DLGAP2: variants seen among roughly 807,000 people sequenced by gnomAD.
The protein encoded by DLGAP2 is disks large-associated protein 2.
In DLGAP2, 26 loss-of-function variants were observed where a neutral mutation model predicts 100.3. The ratio of observed to expected loss-of-function variants is 0.26; its 90% confidence interval spans 0.19 to 0.36. The LOEUF is 0.36. Among genes scored for constraint, DLGAP2 ranks in the 10% least tolerant of loss-of-function variants. DLGAP2 has a pLI of 1.00. For synonymous variants in DLGAP2, 886 were observed against 630.1 expected, an observed-to-expected ratio of 1.41 and a Z score of -6.08; for missense variants, 1,858 against 1,453.2, an observed-to-expected ratio of 1.28 and a Z score of -4.53.
intron 3 of DLGAP2, among the ~76,000 whole-genome samples, chr8:1,384,189 T>C (rs548683381): frequency 1.3e-5 from 2 of 152,264 alleles, no homozygotes; most frequent in Non-Finnish European, 2.9e-5. Flanking sequence ...TTCATAAAAG[T>C]TAAGGGATGA....
intron 8 of DLGAP2, among the ~76,000 whole-genome samples, chr8:1,656,178 C>A (rs1349148995): frequency 6.6e-6 from 1 of 152,100 alleles, no homozygotes; most frequent in Non-Finnish European, 1.5e-5. Context: ...ATAAAATTAG[C>A]CAGGCGTGGT....
chr8:1,450,892 C>G (rs1216680514), intron 3 of DLGAP2, among the ~76,000 whole-genome samples: 1 of 152,038 alleles, frequency 6.6e-6, no homozygotes, highest in Non-Finnish European at 1.5e-5. Context: ...ATAAACAGTC[C>G]TCTATGAATT....
At chr8:1,185,392 G>T (rs999009363) in intron 2 of DLGAP2, among the ~76,000 whole-genome samples, 2 of 152,072 alleles carry the variant, frequency 1.3e-5, no homozygotes, top group African/African-American at 2.4e-5. Context: ...CCATCTGCAG[G>T]TACAAGGTGA....
chr8:1,203,985 T>C (rs1797937455), intron 2 of DLGAP2, among the ~76,000 whole-genome samples: 1 of 152,214 alleles, frequency 6.6e-6, no homozygotes, highest in Non-Finnish European at 1.5e-5. Flanking sequence ...AGGCGTTCTT[T>C]TGAACTAAGC....
intron 6 of DLGAP2, among the ~76,000 whole-genome samples, chr8:1,583,366 C>T (rs1796008641): frequency 6.6e-6 from 1 of 152,020 alleles, no homozygotes; most frequent in African/African-American, 2.4e-5. Flanking sequence ...ATGAGCCTGC[C>T]CTGGGATCAC....
intron 3 of DLGAP2, among the ~76,000 whole-genome samples, chr8:1,277,953 G>A (rs763229324): frequency 2.0e-5 from 3 of 152,184 alleles, no homozygotes; most frequent in Non-Finnish European, 4.4e-5. Context: ...ATTGGGTATT[G>A]GTAGGGAGTT....
chr8:902,355 G>A (rs1054999342), intron 1 of DLGAP2, among the ~76,000 whole-genome samples: 7 of 151,170 alleles, frequency 4.6e-5, no homozygotes, highest in Non-Finnish European at 2.9e-5. Context: ...TGGCGGGCGC[G>A]GGGGCTGGGG....
intron 2 of DLGAP2, among the ~76,000 whole-genome samples, chr8:923,388 T>C (rs149376481): frequency 7.2e-5 from 11 of 152,344 alleles, no homozygotes; most frequent in Non-Finnish European, 1.6e-4. Context: ...ACTGCCTTGA[T>C]GGATTGTGAT....
At chr8:1,328,049 T>C (rs964964661) in intron 3 of DLGAP2, among the ~76,000 whole-genome samples, 53 of 151,226 alleles carry the variant, frequency 3.5e-4, no homozygotes, top group African/African-American at 1.3e-3. Flanking sequence ...TTTATAGTTG[T>C]TTTTTTTGGA....
intron 3 of DLGAP2, among the ~76,000 whole-genome samples, chr8:1,336,694 A>G (rs998786279): frequency 2.6e-5 from 4 of 151,976 alleles, no homozygotes; most frequent in Admixed American, 6.5e-5. Context: ...CTGTTGAGCC[A>G]CTCTTTTCTC....
At chr8:1,295,647 A>T (rs1046201666) in intron 3 of DLGAP2, among the ~76,000 whole-genome samples, 1 of 152,222 alleles carries the variant, frequency 6.6e-6, no homozygotes, top group African/African-American at 2.4e-5. Flanking sequence ...AAGGGCTTTG[A>T]AGTGTTTCGT....
In DLGAP2 at chr8:1,632,895, T is replaced by G; in HGVS notation, c.1659T>G (p.Ser553=). ...AGTCCGTCTTCAGTGAAGTTGAATC[T>G]CAGGCCATGGATGCCCTCGACCTCC... ...VCESVFSEVE[S]QAMDALDLPG... The change falls in exon 8 of 15, where the codon TCT becomes TCG. Residue 553 remains serine, a synonymous_variant. Transcript: ENST00000637795. 3 of 1,613,926 alleles carry G rather than the reference T, an allele frequency of 1.9e-6. No individual in the cohort carries two copies. The highest frequency in any genetic ancestry group is 2.5e-6 in the Non-Finnish European group (3 of 1,179,876).
chr8:1,507,856 C>T (rs926137885), intron 4 of DLGAP2, among the ~76,000 whole-genome samples: 1 of 149,822 alleles, frequency 6.7e-6, no homozygotes, highest in Non-Finnish European at 1.5e-5. Context: ...CACCACCACA[C>T]TTCCTGGGAG....
intron 3 of DLGAP2, among the ~76,000 whole-genome samples, chr8:1,368,107 TTGTA>T (rs1215877668): frequency 2.6e-5 from 4 of 152,302 alleles, no homozygotes; most frequent in East Asian, 1.9e-4. Flanking sequence ...TGAGTGCTGA[TTGTA>T]TGTATGTAGG....
intron 2 of DLGAP2, among the ~76,000 whole-genome samples, chr8:1,204,379 A>G (rs1797946216): frequency 6.6e-6 from 1 of 152,204 alleles, no homozygotes; most frequent in African/African-American, 2.4e-5. Context: ...AGAAAGATGG[A>G]TTTTGGAGTG....
At chr8:1,267,185 T>C (rs1301377740) in intron 3 of DLGAP2, among the ~76,000 whole-genome samples, 1 of 151,202 alleles carries the variant, frequency 6.6e-6, no homozygotes, top group Non-Finnish European at 1.5e-5. Flanking sequence ...TGAGCCAAGA[T>C]TGCACCACTG....
intron 12 of DLGAP2, among the ~76,000 whole-genome samples, chr8:1,686,043 C>T (rs769244229): frequency 1.1e-4 from 17 of 152,176 alleles, no homozygotes; most frequent in African/African-American, 1.7e-4. Context: ...ATAGAACCAC[C>T]ATGTGATCCA....
At chr8:917,454 T>A (rs893042798) in intron 2 of DLGAP2, among the ~76,000 whole-genome samples, 3 of 152,182 alleles carry the variant, frequency 2.0e-5, no homozygotes, top group African/African-American at 7.2e-5. Flanking sequence ...CCCAGGCTGC[T>A]CTCGAACTCC....
At chr8:1,571,172 G>GA (rs1459891218) in intron 6 of DLGAP2, among the ~76,000 whole-genome samples, 7 of 133,052 alleles carry the variant, frequency 5.3e-5, no homozygotes, top group Admixed American at 7.3e-5. Flanking sequence ...GAGGAGAGAG[G>GA]GTGAACTGTG....
Sources: gnomAD v4.1 joint callset for allele counts (sites outside exome capture counted in the v4.1 genomes callset) on GRCh38, gnomAD v4.1.1 for gene constraint, MANE v1.5 for transcripts, NCBI Gene and HGNC (gene_info 2026-07-23, HGNC 2026-07-21) for gene names.